PRKCA: variants seen among roughly 807,000 people sequenced by gnomAD.
PRKCA encodes protein kinase C alpha.
In PRKCA, 27 loss-of-function variants were observed where a neutral mutation model predicts 87.0. The observed-to-expected ratio is 0.31, with a 90% confidence interval of 0.23 to 0.43. The LOEUF (loss-of-function observed/expected upper bound fraction) is 0.43, where lower values mean the gene tolerates loss of function less well. PRKCA is among the 20% of genes least tolerant of loss of function. The pLI is 1.00. For synonymous variants in PRKCA, 329 were observed against 311.1 expected, an observed-to-expected ratio of 1.06 and a Z score of -0.61; for missense variants, 518 against 852.3, an observed-to-expected ratio of 0.61 and a Z score of 4.88.
intron 2 of PRKCA, among the ~76,000 whole-genome samples, chr17:66,437,419 T>C (rs1913455217): frequency 1.3e-5 from 2 of 152,238 alleles, no homozygotes; most frequent in African/African-American, 4.8e-5. Context: ...ATAAGTTTCT[T>C]ATTCATACTG....
chr17:66,586,096 C>T (rs555168685), intron 3 of PRKCA, among the ~76,000 whole-genome samples: 5 of 152,208 alleles, frequency 3.3e-5, no homozygotes, highest in South Asian at 2.1e-4. Context: ...GTGCCTGGTG[C>T]GGCAAAGGGA....
At chr17:66,722,028 T>A (rs4630584) in intron 8 of PRKCA, among the ~76,000 whole-genome samples, 90,521 of 151,966 alleles carry the variant, frequency 0.6, 27,241 homozygotes, top group South Asian at 0.63. Context: ...AATGGTTCAG[T>A]TTCTGATTCT....
intron 2 of PRKCA, among the ~76,000 whole-genome samples, chr17:66,308,834 A>G (rs965126814): frequency 1.3e-5 from 2 of 152,084 alleles, no homozygotes; most frequent in African/African-American, 2.4e-5. Context: ...TAATCTTTCT[A>G]TTAACATCTG....
chr17:66,804,041 T>A lies in PRKCA; in HGVS notation c.*4T>A. The A allele has an allele frequency of 1.9e-6, 3 of 1,597,036 alleles. No individual in the cohort carries two copies. Among genetic ancestry groups the A allele is most frequent in the Non-Finnish European group, 2.6e-6 (3 of 1,166,370 alleles). ...CATCTTACAGAGTGCAGTATGAAAC[T>A]CACCAGCGAGAACAAACACCTCCCC... On this transcript the variant is annotated 3_prime_UTR_variant, in exon 17 of 17. Transcript: ENST00000413366.
At chr17:66,399,747 A>G (rs893523377) in intron 2 of PRKCA, among the ~76,000 whole-genome samples, 1 of 152,148 alleles carries the variant, frequency 6.6e-6, no homozygotes, top group African/African-American at 2.4e-5. Flanking sequence ...TTAGCGTACT[A>G]TCCTCCAGGC....
intron 3 of PRKCA, among the ~76,000 whole-genome samples, chr17:66,615,754 C>T (rs549575851): frequency 6.6e-6 from 1 of 152,250 alleles, no homozygotes; most frequent in Non-Finnish European, 1.5e-5. Flanking sequence ...TCGGCAGTCA[C>T]CACCTTGGGC....
chr17:66,775,036 C>A (rs1975015551), intron 14 of PRKCA: 1 of 985,400 alleles, frequency 1.0e-6, no homozygotes, highest in Non-Finnish European at 1.2e-6. Flanking sequence ...TAGGCCTGGC[C>A]CCTAAGACAT....
intron 1 of PRKCA, among the ~76,000 whole-genome samples, chr17:66,305,524 A>G (rs1448768050): frequency 2.6e-5 from 4 of 152,256 alleles, no homozygotes; most frequent in Non-Finnish European, 5.9e-5. Flanking sequence ...GGTTCTCAGT[A>G]GAAATTAGAT....
At chr17:66,319,582 T>A (rs190654641) in intron 2 of PRKCA, among the ~76,000 whole-genome samples, 2,060 of 152,050 alleles carry the variant, frequency 0.014, 59 homozygotes, top group African/African-American at 0.047. Context: ...GAAAAAAAAA[T>A]TTTTTTAAGT....
In PRKCA at chr17:66,803,957, A is replaced by G; in HGVS notation, c.1939A>G (p.Asn647Asp). The G allele has an allele frequency of 6.2e-7, 1 of 1,614,082 alleles. No homozygotes were observed. The highest frequency in any genetic ancestry group is 8.5e-7 in the Non-Finnish European group (1 of 1,179,992). The change falls in exon 17 of 17, where the codon AAC becomes GAC. Residue 647 changes from asparagine to aspartate, a missense_variant. Asn to Asp is a conservative substitution (Grantham distance 23). Around this residue, in one of 5 missense-constraint regions of PRKCA, gnomAD observed 159 missense variants for 232.4 expected, o/e 0.68. Transcript: ENST00000413366. The surrounding 1 kb of genome is among the most constrained non-coding windows in gnomAD (Gnocchi z 4.4). ...ACCACCTGATCAGCTGGTTATTGCT[A>G]ACATAGACCAGTCTGATTTTGAAGG... ...LTPPDQLVIA[N>D]IDQSDFEGFS...
chr17:66,754,565 A>G (rs1249727243), intron 13 of PRKCA, among the ~76,000 whole-genome samples: 1 of 152,170 alleles, frequency 6.6e-6, no homozygotes, highest in African/African-American at 2.4e-5. Flanking sequence ...CATTTGATTT[A>G]TAGTCAATAT....
chr17:66,719,012 C>T (rs1396519442), intron 8 of PRKCA, among the ~76,000 whole-genome samples: 1 of 152,190 alleles, frequency 6.6e-6, no homozygotes, highest in Admixed American at 6.5e-5. Context: ...ATTAAAATGT[C>T]TGTCCTTGTG....
intron 5 of PRKCA, among the ~76,000 whole-genome samples, chr17:66,680,306 ACT>A (rs1846630720): frequency 3.9e-5 from 6 of 151,956 alleles, no homozygotes; most frequent in Admixed American, 3.9e-4. Context: ...AATTTTGTTT[ACT>A]CTCGCTTTTG....
intron 2 of PRKCA, among the ~76,000 whole-genome samples, chr17:66,333,843 TG>T (rs1906498822): frequency 6.6e-6 from 1 of 152,194 alleles, no homozygotes; most frequent in South Asian, 2.1e-4. Context: ...CATTGAAACC[TG>T]GGGGTTATAC....
At chr17:66,674,906 A>T (rs17688743) in intron 5 of PRKCA, among the ~76,000 whole-genome samples, 1 of 152,140 alleles carries the variant, frequency 6.6e-6, no homozygotes. Flanking sequence ...TCCTTATGCC[A>T]TGGAGGGCCT....
chr17:66,746,006 A>G (rs556178176), intron 13 of PRKCA, among the ~76,000 whole-genome samples: 10 of 152,280 alleles, frequency 6.6e-5, no homozygotes, highest in Admixed American at 4.6e-4. Context: ...TTGCCCTCCA[A>G]GTGCTTTCAG....
chr17:66,450,852 G>A (rs1301623173), intron 2 of PRKCA, among the ~76,000 whole-genome samples: 2 of 152,192 alleles, frequency 1.3e-5, no homozygotes, highest in Non-Finnish European at 2.9e-5. Flanking sequence ...GCTAACTGAT[G>A]CGATTAGTAA....
chr17:66,348,095 C>T (rs1907515279), intron 2 of PRKCA, among the ~76,000 whole-genome samples: 1 of 151,794 alleles, frequency 6.6e-6, no homozygotes, highest in African/African-American at 2.4e-5. Flanking sequence ...GCACACGCCA[C>T]CACGCCCGGC....
intron 3 of PRKCA, among the ~76,000 whole-genome samples, chr17:66,497,677 A>T (rs1019178990): frequency 6.6e-6 from 1 of 152,232 alleles, no homozygotes; most frequent in Non-Finnish European, 1.5e-5. Flanking sequence ...TGATCAGTTT[A>T]GTCACTCAAA....
Sources: gnomAD v4.1 joint callset for allele counts (sites outside exome capture counted in the v4.1 genomes callset) on GRCh38, gnomAD v4.1.1 for gene constraint, gnomAD v4.1.1 regional missense constraint, Gnocchi (gnomAD v3.1) non-coding constraint, MANE v1.5 for transcripts, NCBI Gene and HGNC (gene_info 2026-07-23, HGNC 2026-07-21) for gene names.